The following VWDE variants were observed in gnomAD, a reference collection of about 807,000 sequenced individuals.
VWDE encodes the protein von Willebrand factor D and EGF domain-containing protein.
A neutral mutation model predicts 178.4 loss-of-function variants in VWDE; 207 were observed. That is an observed-to-expected ratio of 1.16 (90% CI 1.04 to 1.30). The LOEUF (loss-of-function observed/expected upper bound fraction) is 1.30, where lower values mean the gene tolerates loss of function less well. Ranked by LOEUF, VWDE falls within the 50% of genes most tolerant of loss-of-function variation. The pLI is 0.00. For synonymous variants in VWDE, 738 were observed against 651.4 expected, an observed-to-expected ratio of 1.13 and a Z score of -2.02; for missense variants, 2,287 against 1,901.3, an observed-to-expected ratio of 1.20 and a Z score of -3.77.
chr7:12,369,484 C>T, intron 12 of VWDE, 61 bp downstream of exon 12: 2 of 1,454,784 alleles, frequency 1.4e-6, no homozygotes, highest in Non-Finnish European at 1.8e-6. Context: ...AAATAAAGAT[C>T]AAACACATTT....
chr7:12,392,228 C>G (rs1486478593), intron 2 of VWDE, among the ~76,000 whole-genome samples: 1 of 152,168 alleles, frequency 6.6e-6, no homozygotes, highest in Non-Finnish European at 1.5e-5. Context: ...ACTGAGAGAA[C>G]TAGTGAGTTT....
intron 2 of VWDE, among the ~76,000 whole-genome samples, chr7:12,390,337 A>T (rs1007993269): frequency 9.9e-5 from 15 of 152,028 alleles, no homozygotes; most frequent in Admixed American, 6.6e-5. Context: ...ATCTTGGACA[A>T]GGCACTCAAC....
At chr7:12,385,661 C>G (rs779015287) in intron 3 of VWDE, among the ~76,000 whole-genome samples, 11 of 152,166 alleles carry the variant, frequency 7.2e-5, no homozygotes, top group Non-Finnish European at 1.5e-4. Context: ...AAAAGAAACT[C>G]TTAAGTAGAT....
intron 18 of VWDE, among the ~76,000 whole-genome samples, chr7:12,352,640 A>G (rs1464620661): frequency 6.6e-6 from 1 of 152,184 alleles, no homozygotes. Flanking sequence ...GATATTCAGG[A>G]GTAAATGTGA....
rs1229536612 is a variant in VWDE, at chr7:12,388,912, T to A, written c.475+215A>T. The A allele has an allele frequency of 1.0e-5, 7 of 698,660 alleles. No individual in the cohort carries two copies. In the Admixed American group the frequency reaches 1.4e-4, roughly 14 times the overall value. The allele number at this position is 698,660 out of a possible 1,614,324, so 43.3% of individuals were successfully genotyped here. On this transcript the variant is annotated intron_variant, in intron 3 of 28. Transcript: ENST00000275358. ...GTGGAAAAATGTGAGATGTCTGTTT[T>A]GATGCTTTCACGTGTGGGGGGACTT...
In VWDE at chr7:12,355,048, T is replaced by A. The variant is rs149430082; in HGVS notation, c.3745+1063A>T. Among the ~76,000 whole-genome samples the A allele has an allele frequency of 3.0e-4, 45 of 152,226 alleles. 2 individuals carry two copies. In the East Asian group the frequency reaches 3.5e-3, roughly 12 times the overall value. ...TATTATACTAAAATTTATGAGGCAA[T>A]CAACATTTGAATTCTTTCAAATAGA... On this transcript the variant is annotated intron_variant, in intron 18 of 28. Coordinates refer to ENST00000275358, the MANE Select transcript of VWDE (RefSeq NM_001135924.3).
intron 6 of VWDE, 136 bp downstream of exon 6, chr7:12,379,341 A>T: frequency 2.0e-6 from 1 of 504,142 alleles, no homozygotes. Context: ...GCTTTTCTTC[A>T]AATATGGGGA....
rs527427520 is a variant in VWDE, at chr7:12,359,680, T to G, written c.3172A>C (p.Ile1058Leu). Residue 1058 changes from isoleucine (I) to leucine (L), a missense_variant, in exon 16 of 29, where the codon ATT (isoleucine) becomes CTT (leucine). Transcript: ENST00000275358. ...TCAACATAGCAGAGTCCATCAATAA[T>G]GCAAACATTTTCCTAATGGAAAATT... ...DSCTIKENVC[I>L]IDGLCYVEGD... 2.6e-6 allele frequency: 4 copies of G among 1,542,274 alleles called. No individual in the cohort carries two copies. The African/African-American group carries it at 4.1e-5, about 16-fold the overall frequency.
chr7:12,357,514 G>A lies in VWDE; in HGVS notation c.3276C>T (p.Asn1092=), dbSNP rs1475410394. 7.1e-6 allele frequency: 11 copies of A among 1,552,070 alleles called. No individual in the cohort carries two copies. The highest frequency in any genetic ancestry group is 5.9e-5 in the South Asian group (5 of 84,062). The change falls in exon 17 of 29, where the codon AAC becomes AAT. Residue 1092 remains asparagine (N), a splice_region_variant and synonymous_variant. Coordinates refer to ENST00000275358, the MANE Select transcript of VWDE (RefSeq NM_001135924.3). The stretch of plus-strand genomic sequence containing the variant: ...ATGCTTGAATCACTGGGGGCTGGTT[G>A]TCTGTAATAGAGAAAACACTTAACT... ...ISRFTWSFLE[N]NQPPVIQALQ...
Position 12,356,037 on chromosome 7 carries a change from T to G in VWDE, c.3745+74A>C. 3 of 1,188,892 alleles carry G rather than the reference T, an allele frequency of 2.5e-6. No individual in the cohort carries two copies. The South Asian group carries it at 4.5e-5, about 18-fold the overall frequency. The allele number at this position is 1,188,892 out of a possible 1,614,324, so 73.6% of individuals were successfully genotyped here. On this transcript the variant is annotated intron_variant, in intron 18 of 28. Transcript: ENST00000275358. ...TACTAAAATCTTTAGGACCACACATTTGCTTAAGTAATCTGTAGATATGTG... is the reference window on the plus strand; with the variant it reads ...TACTAAAATCTTTAGGACCACACATGTGCTTAAGTAATCTGTAGATATGTG...
At chr7:12,355,746 CTT>C (rs1300307274) in intron 18 of VWDE, among the ~76,000 whole-genome samples, 2 of 152,122 alleles carry the variant, frequency 1.3e-5, no homozygotes, top group Non-Finnish European at 2.9e-5. Context: ...TAAAACCTCT[CTT>C]AAGTGATAAC....
At chr7:12,343,329 TG>T (rs1781431033) in intron 21 of VWDE, among the ~76,000 whole-genome samples, 151 bp from the exon 22 acceptor site, 1 of 152,218 alleles carries the variant, frequency 6.6e-6, no homozygotes. Context: ...TCTGTGGGAC[TG>T]ACTATATTAA....
Position 12,370,491 on chromosome 7 carries a change from G to GC in VWDE, c.1814dup (p.Ser605ArgfsTer4), listed in dbSNP as rs1444227712. On this transcript the variant is annotated frameshift_variant, in exon 12 of 29. Transcript: ENST00000275358. LOFTEE classifies it high-confidence loss of function. Reference sequence around the variant, plus strand: ...TAGAAACTGGCAGTGTGTCAGACATGCTTTTTCCTGGTAAAATCCTTCCAG... The same window carrying GC: ...TAGAAACTGGCAGTGTGTCAGACATGCCTTTTTCCTGGTAAAATCCTTCCAG... 1.3e-6 allele frequency: 2 copies of GC among 1,537,376 alleles called. No individual in the cohort carries two copies. The highest frequency in any genetic ancestry group is 2.4e-5 in the South Asian group (2 of 83,338).
At chr7:12,400,685 T>A (rs1041402221) in intron 1 of VWDE, among the ~76,000 whole-genome samples, 33 of 149,314 alleles carry the variant, frequency 2.2e-4, no homozygotes, top group Admixed American at 1.3e-4. Context: ...TGGAACACTT[T>A]CCACCTCATT....
intron 9 of VWDE, 110 bp from the exon 10 acceptor site, chr7:12,373,357 G>A (rs947855549): frequency 3.5e-6 from 4 of 1,142,758 alleles, no homozygotes; most frequent in African/African-American, 1.6e-5. Flanking sequence ...TGTATGCACT[G>A]AAGGAAACAA....
chr7:12,342,755 A>G (rs1266953698), intron 22 of VWDE, among the ~76,000 whole-genome samples: 1 of 151,824 alleles, frequency 6.6e-6, no homozygotes, highest in Non-Finnish European at 1.5e-5. Context: ...ATATGTATAC[A>G]TGTGCCATGC....
rs577955430 is a variant in VWDE at position 12,397,346 on chromosome 7, C to T, written c.59-3568G>A. Among the ~76,000 whole-genome samples the T allele has an allele frequency of 1.3e-3, 201 of 152,252 alleles. 1 individual carries two copies. Among genetic ancestry groups the T allele is most frequent in the Non-Finnish European group, 2.3e-3 (154 of 68,016 alleles). On this transcript the variant is annotated intron_variant, in intron 1 of 28. Transcript: ENST00000275358. The stretch of plus-strand genomic sequence containing the variant: ...AGGACTCCCTATTCAATAAATGGTC[C>T]TTGGATAACTGGCTAGCCATAGGCA...
At chr7:12,394,811 C>T (rs573319508) in intron 1 of VWDE, among the ~76,000 whole-genome samples, 5 of 152,018 alleles carry the variant, frequency 3.3e-5, no homozygotes, top group Non-Finnish European at 7.4e-5. Flanking sequence ...AATACCTCAT[C>T]GTGGAAAAAC....
intron 1 of VWDE, among the ~76,000 whole-genome samples, chr7:12,394,425 T>G (rs181119117): frequency 6.6e-6 from 1 of 152,236 alleles, no homozygotes; most frequent in East Asian, 1.9e-4. Context: ...GAAAAGCCCA[T>G]GGCGAAAGGG....
Sources: allele counts gnomAD v4.1 joint callset (sites outside exome capture counted in the v4.1 genomes callset), GRCh38; gene constraint gnomAD v4.1.1; transcripts MANE v1.5; gene names NCBI Gene and HGNC (gene_info 2026-07-23, HGNC 2026-07-21).